Variants in SHISA9 observed in about 807,000 individuals in gnomAD.
SHISA9 encodes the protein protein shisa-9.
Under a neutral mutation model 38.0 loss-of-function variants are expected in SHISA9, and 13 were observed. The observed-to-expected ratio is 0.34, with a 90% CI of 0.22 to 0.54. The LOEUF is 0.54. SHISA9 is among the 20% of genes least tolerant of loss of function. The pLI, the probability that SHISA9 is intolerant of heterozygous loss-of-function variation, is 0.91. For missense variants in SHISA9, 538 were observed against 575.8 expected (o/e 0.93, Z 0.67); for synonymous variants, 275 against 242.0 (o/e 1.14, Z -1.27).
the SHISA9 span, among the ~76,000 whole-genome samples, chr16:13,281,057 G>A: frequency 4.0e-5 from 6 of 151,532 alleles, no homozygotes; most frequent in South Asian, 4.2e-4. Flanking sequence ...GATACTGTGC[G>A]AGTCACATTA....
the SHISA9 span, among the ~76,000 whole-genome samples, chr16:13,288,434 GGA>G: frequency 1.3e-5 from 2 of 151,782 alleles, no homozygotes; most frequent in African/African-American, 2.4e-5. Flanking sequence ...AGGGATTGGG[GGA>G]GAGAGAGAGA....
At position 12,970,377 on chromosome 16, in the gene SHISA9, A is replaced by G. The variant is rs550616323; in HGVS notation, c.691+53562A>G. On this transcript the variant is annotated intron_variant, in intron 2 of 4. Transcript: ENST00000558583. Reference sequence around the variant, plus strand: ...TGTATATATATATATATACATATATATATACATATATGTATATATATATAT... The same window carrying G: ...TGTATATATATATATATACATATATGTATACATATATGTATATATATATAT... 2.7e-3 allele frequency among the ~76,000 whole-genome samples: 216 copies of G among 78,620 alleles called. 3 individuals are homozygous for G. Among genetic ancestry groups the G allele is most frequent in the Middle Eastern group, 5.4e-3 (1 of 184 alleles). The allele number at this position is 78,620 out of a possible 152,430, so 51.6% of individuals were successfully genotyped here. A position where few individuals can be genotyped will look rare whatever the true frequency, so the allele number is the denominator to read the frequency against.
At chr16:13,070,280 A>ATCTCTGTGTCTCCCTCCC (rs2073497728) in intron 2 of SHISA9, among the ~76,000 whole-genome samples, 2 of 151,058 alleles carry the variant, frequency 1.3e-5, no homozygotes, top group African/African-American at 4.9e-5. Context: ...CTCTGCCTCC[A>ATCTCTGTGTCTCCCTCCC]TCTCTGTGTC....
At chr16:13,397,608 T>A in the SHISA9 span, among the ~76,000 whole-genome samples, 79 of 152,230 alleles carry the variant, frequency 5.2e-4, no homozygotes, top group African/African-American at 6.0e-4. Flanking sequence ...CTAATTTTTG[T>A]GTTTTTTAGT....
chr16:12,905,416 G>A (rs538976289), intron 1 of SHISA9, among the ~76,000 whole-genome samples: 60 of 152,040 alleles, frequency 3.9e-4, no homozygotes, highest in African/African-American at 1.3e-3. Context: ...ATAGGTTCTG[G>A]GTGGGCCCGA....
chr16:13,154,472 T>C (rs2050525824), intron 2 of SHISA9, among the ~76,000 whole-genome samples: 1 of 152,172 alleles, frequency 6.6e-6, no homozygotes, highest in African/African-American at 2.4e-5. Flanking sequence ...GCTTTTCCCC[T>C]CCATCATGGT....
chr16:12,962,730 T>G (rs1262227217), intron 2 of SHISA9, among the ~76,000 whole-genome samples: 1 of 152,182 alleles, frequency 6.6e-6, no homozygotes, highest in Non-Finnish European at 1.5e-5. Flanking sequence ...AGCCAACTGG[T>G]CTATGGTATT....
At chr16:13,405,941 CAA>C in the SHISA9 span, among the ~76,000 whole-genome samples, 156 of 105,394 alleles carry the variant, frequency 1.5e-3, no homozygotes, top group East Asian at 2.4e-3. Flanking sequence ...GAAATCATGA[CAA>C]AAAAAAAAAA....
the SHISA9 span, among the ~76,000 whole-genome samples, chr16:13,260,007 C>CTCTTTTTTTTTTTTTTTTTTTTTTTT: frequency 1.7e-5 from 1 of 60,418 alleles, no homozygotes; most frequent in Non-Finnish European, 2.9e-5. Flanking sequence ...TTCTTTCTTT[C>CTCTTTTTTTTTTTTTTTTTTTTTTTT]TTTTTTTTTT....
At chr16:13,492,691 G>A in the SHISA9 span, among the ~76,000 whole-genome samples, 7 of 152,166 alleles carry the variant, frequency 4.6e-5, no homozygotes, top group Non-Finnish European at 8.8e-5. Context: ...TTCAACTAAT[G>A]GACTGATTGC....
At chr16:13,479,060 A>G in the SHISA9 span, among the ~76,000 whole-genome samples, 1 of 152,204 alleles carries the variant, frequency 6.6e-6, no homozygotes, top group East Asian at 1.9e-4. Flanking sequence ...AGGTGTCATC[A>G]TGGCCTCCTA....
chr16:13,098,222 G>T (rs574354006), intron 2 of SHISA9, among the ~76,000 whole-genome samples: 1 of 152,158 alleles, frequency 6.6e-6, no homozygotes, highest in Non-Finnish European at 1.5e-5. Context: ...CCTCAGGCAA[G>T]CAACAACTTC....
rs1332369943 is a variant in SHISA9, at chr16:12,902,254, C to T, written c.190C>T (p.Pro64Ser). Residue 64 changes from proline (P) to serine (S), a missense_variant, in exon 1 of 5, where the codon CCC becomes TCC. Coordinates refer to ENST00000558583, the MANE Select transcript of SHISA9 (RefSeq NM_001145204.3). ...ASEGAEASDA[P>S]PTRAPTPDFC... ...CGAGGGCGCTGAGGCATCGGACGCG[C>T]CCCCGACCCGGGCGCCCACGCCGGA... is the stretch of plus-strand genomic sequence containing the variant. The T allele has an allele frequency of 3.2e-6, 5 of 1,546,010 alleles. No homozygotes were observed. In the South Asian group the frequency reaches 6.0e-5, roughly 18 times the overall value.
chr16:13,118,985 G>A (rs2074059396), intron 2 of SHISA9, among the ~76,000 whole-genome samples: 1 of 151,956 alleles, frequency 6.6e-6, no homozygotes, highest in East Asian at 1.9e-4. Context: ...ACTCACCTCG[G>A]CCTCCCAAAG....
At chr16:13,290,906 G>T in the SHISA9 span, among the ~76,000 whole-genome samples, 2 of 152,172 alleles carry the variant, frequency 1.3e-5, no homozygotes, top group Admixed American at 6.6e-5. Flanking sequence ...GCCGGGACTA[G>T]AGCCCCATCA....
chr16:13,282,160 C>A, the SHISA9 span, among the ~76,000 whole-genome samples: 1 of 151,964 alleles, frequency 6.6e-6, no homozygotes, highest in Non-Finnish European at 1.5e-5. Flanking sequence ...GAATATCCTT[C>A]TACATTTCTT....
the SHISA9 span, among the ~76,000 whole-genome samples, chr16:13,314,276 C>T: frequency 2.0e-5 from 3 of 151,756 alleles, no homozygotes; most frequent in South Asian, 2.1e-4. Flanking sequence ...TGCAATGGCA[C>T]GATCTCAGCT....
At chr16:13,359,260 C>T in the SHISA9 span, among the ~76,000 whole-genome samples, 1 of 152,084 alleles carries the variant, frequency 6.6e-6, no homozygotes, top group Non-Finnish European at 1.5e-5. Flanking sequence ...CGGGGTGGAT[C>T]ATTTGAGGTC....
chr16:13,325,012 C>T, the SHISA9 span, among the ~76,000 whole-genome samples: 7 of 152,062 alleles, frequency 4.6e-5, no homozygotes, highest in Admixed American at 2.6e-4. Flanking sequence ...TTTAGATAAG[C>T]GGGATTGGGG....
Sources: gnomAD v4.1 joint callset for allele counts (sites outside exome capture counted in the v4.1 genomes callset) on GRCh38, gnomAD v4.1.1 for gene constraint, MANE v1.5 for transcripts, NCBI Gene and HGNC (gene_info 2026-07-23, HGNC 2026-07-21) for gene names.